Variants in AUTS2 observed in about 807,000 individuals in gnomAD.
AUTS2 encodes the protein autism susceptibility gene 2 protein.
Under a neutral mutation model 112.4 loss-of-function variants are expected in AUTS2, and 17 were observed. The observed-to-expected ratio is 0.15, with a 90% CI of 0.10 to 0.23. The LOEUF (loss-of-function observed/expected upper bound fraction) is 0.23. Ranked by LOEUF, AUTS2 falls within the 10% of genes least tolerant of loss-of-function variation. The pLI, the probability that AUTS2 is intolerant of heterozygous loss-of-function variation, is 1.00. For synonymous variants in AUTS2, 751 were observed against 702.7 expected (o/e 1.07, Z -1.09); for missense variants, 1,510 against 1,701.6 (o/e 0.89, Z 1.98).
intron 1 of AUTS2, among the ~76,000 whole-genome samples, chr7:69,623,078 G>A (rs1047344814): frequency 1.3e-5 from 2 of 152,188 alleles, no homozygotes; most frequent in Non-Finnish European, 2.9e-5. Context: ...ACAAGTTCTT[G>A]CCTTGTGCAG....
intron 4 of AUTS2, among the ~76,000 whole-genome samples, chr7:70,275,347 T>G (rs192528254): frequency 6.6e-6 from 1 of 152,176 alleles, no homozygotes; most frequent in East Asian, 1.9e-4. Flanking sequence ...ATGAGGTACC[T>G]AGAGTAGTCA....
chr7:70,715,958 A>G (rs1168268089), intron 6 of AUTS2, among the ~76,000 whole-genome samples: 1 of 152,194 alleles, frequency 6.6e-6, no homozygotes, highest in African/African-American at 2.4e-5. Context: ...AATATCCTAA[A>G]AGTGATTTCA....
rs545672655 is a variant in AUTS2 at position 69,776,231 on chromosome 7, C to T, written c.310-123055C>T. Among the ~76,000 whole-genome samples, 96 of 152,258 alleles carry T rather than the reference C, an allele frequency of 6.3e-4. 1 individual carries two copies. Among genetic ancestry groups the T allele is most frequent in the African/African-American group, 1.6e-3 (65 of 41,540 alleles). On this transcript the variant is annotated intron_variant, in intron 1 of 18. Transcript: ENST00000342771. ...GAATCGTCAGCCTGCATTAAAGGGT[C>T]GTAATACTTGAACAATTTGCACATG...
At chr7:70,509,753 G>C (rs1289203271) in intron 5 of AUTS2, among the ~76,000 whole-genome samples, 1 of 152,100 alleles carries the variant, frequency 6.6e-6, no homozygotes, top group African/African-American at 2.4e-5. Context: ...CTCTCATCAA[G>C]GACTCAGAAT....
intron 14 of AUTS2, among the ~76,000 whole-genome samples, chr7:70,780,027 A>T (rs1026156635): frequency 3.7e-5 from 5 of 133,384 alleles, no homozygotes; most frequent in South Asian, 2.3e-4. Context: ...TCATCTCTTT[A>T]AAAAAAAAAA....
chr7:69,857,190 C>T (rs548740749), intron 1 of AUTS2, among the ~76,000 whole-genome samples: 5 of 152,162 alleles, frequency 3.3e-5, no homozygotes, highest in Non-Finnish European at 4.4e-5. Context: ...CGTCTGCTCC[C>T]CCTAGCTAAG....
chr7:70,044,715 T>C (rs1324716744), intron 2 of AUTS2, among the ~76,000 whole-genome samples: 1 of 152,180 alleles, frequency 6.6e-6, no homozygotes, highest in Non-Finnish European at 1.5e-5. Context: ...CCATCACAGA[T>C]CTCATGTTGA....
chr7:70,757,925 G>A (rs1025954485), intron 6 of AUTS2, among the ~76,000 whole-genome samples: 1 of 140,850 alleles, frequency 7.1e-6, no homozygotes, highest in African/African-American at 2.9e-5. Context: ...GGGATCACAG[G>A]CAGACACCAC....
chr7:70,162,212 C>T (rs574505337), intron 4 of AUTS2, among the ~76,000 whole-genome samples: 7 of 151,390 alleles, frequency 4.6e-5, no homozygotes, highest in South Asian at 2.1e-4. Flanking sequence ...TTTGGGAGGC[C>T]GAGGCGGGCG....
intron 5 of AUTS2, among the ~76,000 whole-genome samples, chr7:70,604,917 A>G (rs1339431285): frequency 1.3e-5 from 2 of 152,212 alleles, no homozygotes; most frequent in African/African-American, 4.8e-5. Context: ...CTTGCTTAAT[A>G]ATTATTGCCA....
chr7:70,374,760 T>A (rs1793007574), intron 4 of AUTS2, among the ~76,000 whole-genome samples: 1 of 152,218 alleles, frequency 6.6e-6, no homozygotes, highest in Non-Finnish European at 1.5e-5. Flanking sequence ...AGTAACTAAG[T>A]CCTCATCTTC....
chr7:69,843,092 ACT>A (rs1256346571), intron 1 of AUTS2, among the ~76,000 whole-genome samples: 7 of 151,984 alleles, frequency 4.6e-5, no homozygotes, highest in African/African-American at 1.7e-4. Flanking sequence ...GTGACAGGTG[ACT>A]CTGAGCTGTC....
intron 5 of AUTS2, among the ~76,000 whole-genome samples, chr7:70,610,385 T>G (rs1585375122): frequency 6.6e-6 from 1 of 151,698 alleles, no homozygotes; most frequent in African/African-American, 2.4e-5. Flanking sequence ...ATGTAAGCTT[T>G]CTTTTTCTCC....
At chr7:70,621,318 G>T (rs1460038386) in intron 5 of AUTS2, among the ~76,000 whole-genome samples, 1 of 152,198 alleles carries the variant, frequency 6.6e-6, no homozygotes, top group South Asian at 2.1e-4. Context: ...GGGGCAGGGT[G>T]GGGGGTTCTC....
intron 5 of AUTS2, among the ~76,000 whole-genome samples, chr7:70,608,074 G>A (rs1349174790): frequency 4.6e-5 from 7 of 152,102 alleles, no homozygotes; most frequent in Non-Finnish European, 1.0e-4. Context: ...CCAGCTCTGG[G>A]CATTTGCTCT....
chr7:69,999,899 T>A (rs1799109697), intron 2 of AUTS2, among the ~76,000 whole-genome samples: 1 of 152,186 alleles, frequency 6.6e-6, no homozygotes, highest in Non-Finnish European at 1.5e-5. Flanking sequence ...ATGGATTATC[T>A]GGAACTGGAT....
intron 5 of AUTS2, among the ~76,000 whole-genome samples, chr7:70,692,785 G>C (rs1269008046): frequency 6.7e-6 from 1 of 149,558 alleles, no homozygotes; most frequent in African/African-American, 2.5e-5. Flanking sequence ...TTTTTAACTT[G>C]AGAGGTTTTT....
chr7:70,477,163 C>G (rs1485093596), intron 5 of AUTS2, among the ~76,000 whole-genome samples: 1 of 152,198 alleles, frequency 6.6e-6, no homozygotes, highest in Non-Finnish European at 1.5e-5. Flanking sequence ...ATTATGTCCT[C>G]TCTGTGGAAA....
At chr7:69,911,789 A>G (rs75782123) in intron 2 of AUTS2, among the ~76,000 whole-genome samples, 6 of 152,152 alleles carry the variant, frequency 3.9e-5, no homozygotes, top group African/African-American at 1.4e-4. Flanking sequence ...GCAGGCCTGG[A>G]AAAAGCACCA....
Sources: gnomAD v4.1 joint callset for allele counts (sites outside exome capture counted in the v4.1 genomes callset) on GRCh38, gnomAD v4.1.1 for gene constraint, MANE v1.5 for transcripts, NCBI Gene and HGNC (gene_info 2026-07-23, HGNC 2026-07-21) for gene names.